Variants in ZSCAN23 observed in about 807,000 individuals in gnomAD.
The protein encoded by ZSCAN23 is zinc finger and SCAN domain containing 23.
In ZSCAN23, 19 loss-of-function variants were observed where a neutral mutation model predicts 19.3. The observed-to-expected ratio is 0.99, with a 90% CI of 0.69 to 1.45. The LOEUF (loss-of-function observed/expected upper bound fraction) is 1.45. Among genes scored for constraint, ZSCAN23 ranks in the 40% most tolerant of loss-of-function variants. ZSCAN23 has a pLI of 0.00. For synonymous variants in ZSCAN23, 140 were observed against 166.2 expected (o/e 0.84, Z 1.21); for missense variants, 372 against 462.5 (o/e 0.80, Z 1.79).
chr6:28,426,807 A>G, the ZSCAN23 span, among the ~76,000 whole-genome samples: 1 of 152,184 alleles, frequency 6.6e-6, no homozygotes, highest in Non-Finnish European at 1.5e-5. Flanking sequence ...AGATGATTTC[A>G]AAAGTTTGTC....
At chr6:28,423,352 T>A in the ZSCAN23 span, among the ~76,000 whole-genome samples, 3 of 152,248 alleles carry the variant, frequency 2.0e-5, no homozygotes. Context: ...TCTCTGGAGA[T>A]AATATCTGCT....
downstream of ZSCAN23, among the ~76,000 whole-genome samples, chr6:28,430,809 T>G (rs149759445): frequency 2.0e-5 from 3 of 152,290 alleles, no homozygotes; most frequent in African/African-American, 7.2e-5. Flanking sequence ...GGAGTGAATG[T>G]GATAAATTAT....
Position 28,436,170 on chromosome 6 carries a change from C to G in ZSCAN23, c.97G>C (p.Glu33Gln). 1 of 1,566,074 alleles carries G rather than the reference C, an allele frequency of 6.4e-7. No individual in the cohort carries two copies. The highest frequency in any genetic ancestry group is 8.7e-7 in the Non-Finnish European group (1 of 1,154,776). Residue 33 changes from glutamate (E) to glutamine (Q), a missense_variant, in exon 2 of 4, where the codon GAA (glutamate) becomes CAA (glutamine). By Grantham distance (29) the Glu-to-Gln change is conservative (BLOSUM62 2). Coordinates refer to ENST00000289788, the MANE Select transcript of ZSCAN23 (RefSeq NM_001012455.2). ...GGGTTATTTCTTGACAGGCCTGATTCTGGCCCACAGGAATGTTCCTCCTCT... is the reference window on the plus strand; with the variant it reads ...GGGTTATTTCTTGACAGGCCTGATTGTGGCCCACAGGAATGTTCCTCCTCT... ...EEEEEHSCGP[E>Q]SGLSRNNPHT...
chr6:28,432,364 C>G (rs1268097046), downstream of ZSCAN23, among the ~76,000 whole-genome samples: 1 of 152,082 alleles, frequency 6.6e-6, no homozygotes, highest in African/African-American at 2.4e-5. Flanking sequence ...AATTTAACCT[C>G]AAGACACAAT....
rs1157516362 is a variant in ZSCAN23 at position 28,443,437 on chromosome 6, C to A, written c.-116G>T. ...AGAGGAGATGCCACCTAGCGCAGAT[C>A]ACATCTGCTCTGAATCCTTGACAAC... is the stretch of plus-strand genomic sequence containing the variant. On this transcript the variant is annotated 5_prime_UTR_variant, in exon 1 of 4. An upstream open reading frame in the 5' UTR loses its in-frame stop. Transcript: ENST00000289788. The A allele has an allele frequency of 6.6e-6, 1 of 152,288 alleles. No individual in the cohort carries two copies. Among genetic ancestry groups the A allele is most frequent in the Non-Finnish European group, 1.5e-5 (1 of 68,068 alleles). The allele number at this position is 152,288 out of a possible 1,614,324, so 9.4% of individuals were successfully genotyped here. A position where few individuals can be genotyped will look rare whatever the true frequency, so the allele number is the denominator to read the frequency against.
In ZSCAN23 at chr6:28,432,725, T is replaced by C. The variant is rs539636638; in HGVS notation, c.*1740A>G. The C allele has an allele frequency of 6.6e-6, 1 of 152,278 alleles. No individual in the cohort carries two copies. Among genetic ancestry groups the C allele is most frequent in the East Asian group, 1.9e-4 (1 of 5,186 alleles). 9.4% of individuals were successfully genotyped at this position (152,278 alleles called of 1,614,324 possible). On this transcript the variant is annotated 3_prime_UTR_variant, in exon 4 of 4. Transcript: ENST00000289788. ...AACTATGGAGTATGAACAAATAAAATTCTATTCACTTATAAAAAGAATGAA... is the reference window on the plus strand; with the variant it reads ...AACTATGGAGTATGAACAAATAAAACTCTATTCACTTATAAAAAGAATGAA...
the ZSCAN23 span, among the ~76,000 whole-genome samples, chr6:28,425,532 T>C: frequency 1.3e-5 from 2 of 152,168 alleles, no homozygotes; most frequent in Admixed American, 1.3e-4. Context: ...TTTTTCCATG[T>C]TGCCCAGGCT....
chr6:28,435,098 A>G lies in ZSCAN23; in HGVS notation c.557-20T>C, dbSNP rs1223280861. ...TGCCATCTAAAATAACGATAACATG[A>G]AAGATAACATGAAGTATGAAAAATA... On this transcript the variant is annotated intron_variant, in intron 3 of 3. Coordinates refer to ENST00000289788, the MANE Select transcript of ZSCAN23 (RefSeq NM_001012455.2). 1.2e-5 allele frequency: 18 copies of G among 1,501,392 alleles called. No homozygotes were observed. The highest frequency in any genetic ancestry group is 1.6e-5 in the Non-Finnish European group (18 of 1,124,648). 93.0% of individuals were successfully genotyped at this position (1,501,392 alleles called of 1,614,324 possible).
chr6:28,435,137 C>T, intron 3 of ZSCAN23, 59 bp from the exon 4 acceptor site: 1 of 1,459,234 alleles, frequency 6.9e-7, no homozygotes, highest in Non-Finnish European at 9.0e-7. Context: ...GATTATCTTT[C>T]CAAAGACAAA....
intron 2 of ZSCAN23, 79 bp from the exon 3 acceptor site, chr6:28,435,686 G>GA: frequency 2.0e-5 from 29 of 1,461,726 alleles, no homozygotes; most frequent in Non-Finnish European, 2.5e-5. Context: ...CCGCTGGATA[G>GA]AAAAGAAGGA....
At chr6:28,440,492 T>C (rs1280873682) in intron 1 of ZSCAN23, among the ~76,000 whole-genome samples, 1 of 152,166 alleles carries the variant, frequency 6.6e-6, no homozygotes, top group Non-Finnish European at 1.5e-5. Context: ...TCTGCTGAAT[T>C]GGTTCTAGGG....
chr6:28,431,970 T>TC, downstream of ZSCAN23: 1 of 152,204 alleles, frequency 6.6e-6, no homozygotes, highest in Non-Finnish European at 1.5e-5. Context: ...TATATTTTGT[T>TC]CTTTTTTCTT....
At chr6:28,421,430 T>A in the ZSCAN23 span, among the ~76,000 whole-genome samples, 17 of 152,118 alleles carry the variant, frequency 1.1e-4, no homozygotes, top group Non-Finnish European at 2.2e-4. Flanking sequence ...CTTTATTAAA[T>A]GAAGAAAGAA....
Position 28,436,046 on chromosome 6 carries a change from T to C in ZSCAN23, c.221A>G (p.His74Arg). The C allele has an allele frequency of 6.2e-7, 1 of 1,614,206 alleles. No homozygotes were observed. Among genetic ancestry groups the C allele is most frequent in the South Asian group, 1.1e-5 (1 of 91,090 alleles). ...GTGCATCTCTGGTCTCAGCCACTGA[T>C]GGCAGAGCTCCTGGAGTCTTTGAAG... ...EALQRLQELC[H>R]QWLRPEMHTK... Residue 74 changes from histidine (H) to arginine (R), a missense_variant, in exon 2 of 4, where the codon CAT (histidine) becomes CGT (arginine). Transcript: ENST00000289788.
the ZSCAN23 span, among the ~76,000 whole-genome samples, chr6:28,426,537 AGATCACT>A: frequency 6.7e-6 from 1 of 150,264 alleles, no homozygotes; most frequent in Admixed American, 6.6e-5. Context: ...ATTACATCAA[AGATCACT>A]GATCACAGAT....
Position 28,434,797 on chromosome 6 carries a change from C to T in ZSCAN23, c.838G>A (p.Asp280Asn). 1.2e-6 allele frequency: 2 copies of T among 1,600,422 alleles called. No individual in the cohort carries two copies. The highest frequency in any genetic ancestry group is 1.7e-6 in the Non-Finnish European group (2 of 1,173,222). Residue 280 changes from aspartate to asparagine, a missense_variant, in exon 4 of 4, where the codon GAT becomes AAT. Coordinates refer to ENST00000289788, the MANE Select transcript of ZSCAN23 (RefSeq NM_001012455.2). ...TGGCTGAAGGCCCGCCCACACTCAT[C>T]ACATTCATAAGGCTTCTCACCTGTG... The part of the protein sequence containing the change: ...THTGEKPYEC[D>N]ECGRAFSQRS...
rs911207606 is a variant in ZSCAN23, at chr6:28,435,574, C to T, written c.442G>A (p.Val148Ile). 3 of 1,551,572 alleles carry T rather than the reference C, an allele frequency of 1.9e-6. No homozygotes were observed. The highest frequency in any genetic ancestry group is 1.4e-5 in the African/African-American group (1 of 73,036). Residue 148 changes from valine (V) to isoleucine (I), a missense_variant, in exon 3 of 4, where the codon GTA becomes ATA. Val to Ile is a conservative substitution (Grantham distance 29, BLOSUM62 3). Coordinates refer to ENST00000289788, the MANE Select transcript of ZSCAN23 (RefSeq NM_001012455.2). ...GCTCCTGGAGTTGCCTTCTCCTTTA[C>T]AAACTCTTCCTGTTCATGAGCATGG... is the stretch of plus-strand genomic sequence containing the variant. ...LSHAHEQEEF[V>I]KEKATPGAAQ...
Position 28,434,864 on chromosome 6 carries a change from GCT to G in ZSCAN23, c.769_770del (p.Ser257LeufsTer17). On this transcript the variant is annotated frameshift_variant, in exon 4 of 4. Coordinates refer to ENST00000289788, the MANE Select transcript of ZSCAN23 (RefSeq NM_001012455.2). LOFTEE classifies it low-confidence loss of function (END_TRUNC). ...CGATAAGGATGGAATTCTGGGTGAAGCTTTTTCCACATTCACTACAGATATAG... is the reference window on the plus strand; with the variant it reads ...CGATAAGGATGGAATTCTGGGTGAAGTTTTCCACATTCACTACAGATATAG... ...RPYICSECGK[S>X]FTQNSILIEH... 6.4e-7 allele frequency: 1 copy of G among 1,567,710 alleles called. No homozygotes were observed. Among genetic ancestry groups the G allele is most frequent in the Non-Finnish European group, 8.6e-7 (1 of 1,156,196 alleles).
chr6:28,429,538 G>A (rs1761716891), downstream of ZSCAN23, among the ~76,000 whole-genome samples: 1 of 152,138 alleles, frequency 6.6e-6, no homozygotes, highest in Non-Finnish European at 1.5e-5. Context: ...AAACGTATAC[G>A]GAAGCCAGCT....
Sources: gnomAD v4.1 joint callset for allele counts (sites outside exome capture counted in the v4.1 genomes callset) on GRCh38, gnomAD v4.1.1 for gene constraint, MANE v1.5 for transcripts, NCBI Gene and HGNC (gene_info 2026-07-23, HGNC 2026-07-21) for gene names.